Variants in KALRN observed in about 807,000 individuals in gnomAD.
The protein encoded by KALRN is kalirin RhoGEF kinase, also known as kalirin.
A neutral mutation model predicts 353.7 loss-of-function variants in KALRN; 70 were observed. The ratio of observed to expected loss-of-function variants is 0.20; its 90% CI spans 0.16 to 0.24. The LOEUF (loss-of-function observed/expected upper bound fraction) is 0.24, where lower values mean the gene tolerates loss of function less well. KALRN is among the 10% of genes least tolerant of loss of function. The pLI, the probability that KALRN is intolerant of heterozygous loss-of-function variation, is 1.00. For synonymous variants in KALRN, 1,391 were observed against 1,434.8 expected (o/e 0.97, Z 0.69); for missense variants, 2,791 against 3,756.7 (o/e 0.74, Z 6.72).
At chr3:124,641,338 A>G (rs772404406) in intron 37 of KALRN, among the ~76,000 whole-genome samples, 1 of 152,170 alleles carries the variant, frequency 6.6e-6, no homozygotes, top group Non-Finnish European at 1.5e-5. Flanking sequence ...ATCTCCCCAG[A>G]TAGAACTAAC....
intron 47 of KALRN, among the ~76,000 whole-genome samples, chr3:124,668,406 A>T (rs959046897): frequency 6.6e-6 from 1 of 152,228 alleles, no homozygotes; most frequent in African/African-American, 2.4e-5. Flanking sequence ...AAGGGAGTTC[A>T]GGTAGATCTA....
At chr3:124,634,014 G>C in intron 36 of KALRN, 61 bp downstream of exon 36, 1 of 1,274,080 alleles carries the variant, frequency 7.8e-7, no homozygotes, top group Non-Finnish European at 1.1e-6. Flanking sequence ...TTTGTTTTTT[G>C]TGTGTGATGG....
intron 1 of KALRN, among the ~76,000 whole-genome samples, chr3:124,136,543 A>G (rs1161178058): frequency 6.6e-6 from 1 of 152,166 alleles, no homozygotes; most frequent in Non-Finnish European, 1.5e-5. Context: ...CAGGTAGCAA[A>G]TAGGCTGGCT....
intron 6 of KALRN, among the ~76,000 whole-genome samples, chr3:124,307,404 A>G (rs928792056): frequency 6.6e-6 from 1 of 152,104 alleles, no homozygotes; most frequent in African/African-American, 2.4e-5. Context: ...TAAAAGACAT[A>G]AAATTACAGA....
intron 1 of KALRN, among the ~76,000 whole-genome samples, chr3:124,200,558 A>G (rs867264407): frequency 5.9e-5 from 9 of 152,326 alleles, no homozygotes; most frequent in Middle Eastern, 3.4e-3. Flanking sequence ...TTTAAATACC[A>G]TCACGTCGTA....
intron 6 of KALRN, among the ~76,000 whole-genome samples, chr3:124,314,934 A>T (rs2078664023): frequency 6.6e-6 from 1 of 152,168 alleles, no homozygotes; most frequent in African/African-American, 2.4e-5. Context: ...TACAGATGTG[A>T]GCCACCATGC....
At chr3:124,166,960 A>G (rs1202823268) in intron 1 of KALRN, among the ~76,000 whole-genome samples, 2 of 152,100 alleles carry the variant, frequency 1.3e-5, no homozygotes, top group African/African-American at 4.8e-5. Context: ...CAGGAGAATC[A>G]TTTGAATCTG....
intron 10 of KALRN, among the ~76,000 whole-genome samples, chr3:124,364,316 A>G (rs1322324727): frequency 1.3e-5 from 2 of 152,150 alleles, no homozygotes; most frequent in African/African-American, 4.8e-5. Context: ...GAGTTTCAGA[A>G]AATTAGCTGA....
intron 1 of KALRN, among the ~76,000 whole-genome samples, chr3:124,116,129 G>A (rs1194192535): frequency 6.6e-6 from 1 of 152,206 alleles, no homozygotes; most frequent in Non-Finnish European, 1.5e-5. Context: ...CTGCAGCCCA[G>A]CTCTCTTCCC....
intron 32 of KALRN, among the ~76,000 whole-genome samples, chr3:124,495,697 T>C (rs2063626797): frequency 7.6e-6 from 1 of 132,360 alleles, no homozygotes; most frequent in Non-Finnish European, 1.5e-5. Flanking sequence ...GCCAGTGCAT[T>C]CCAGCCTGGG....
At chr3:124,648,434 G>A (rs1439542028) in intron 37 of KALRN, among the ~76,000 whole-genome samples, 1 of 152,244 alleles carries the variant, frequency 6.6e-6, no homozygotes, top group Non-Finnish European at 1.5e-5. Flanking sequence ...AAGGTTGAGA[G>A]TGGACCACAC....
At chr3:124,195,640 T>A (rs1173582711) in intron 1 of KALRN, among the ~76,000 whole-genome samples, 1 of 152,202 alleles carries the variant, frequency 6.6e-6, no homozygotes, top group African/African-American at 2.4e-5. Context: ...CTGGATTCTA[T>A]GGGCATAGAA....
At chr3:124,198,399 T>C (rs750534471) in intron 1 of KALRN, among the ~76,000 whole-genome samples, 5 of 152,250 alleles carry the variant, frequency 3.3e-5, no homozygotes, top group African/African-American at 4.8e-5. Context: ...AGAAAATGCG[T>C]GTCAAGTCCT....
intron 33 of KALRN, among the ~76,000 whole-genome samples, chr3:124,546,797 A>G (rs146205573): frequency 5.4e-4 from 82 of 152,286 alleles, no homozygotes; most frequent in African/African-American, 1.9e-3. Flanking sequence ...GGAGGCTGGT[A>G]AAAATGCAGT....
Position 124,474,744 on chromosome 3 carries a change from G to A in KALRN, c.4101+12G>A. 1 of 1,609,476 alleles carries A rather than the reference G, an allele frequency of 6.2e-7. No homozygotes were observed. The highest frequency in any genetic ancestry group is 8.5e-7 in the Non-Finnish European group (1 of 1,175,722). On this transcript the variant is annotated intron_variant, in intron 26 of 59. Coordinates refer to ENST00000682506, the MANE Select transcript of KALRN (RefSeq NM_001388419.1). ...GCTTTGTTACCTGGGTAACCAACCTGAAATCCTTCTCCCACTGCCCATACA... is the reference window on the plus strand; with the variant it reads ...GCTTTGTTACCTGGGTAACCAACCTAAAATCCTTCTCCCACTGCCCATACA...
At position 124,461,834 on chromosome 3, in the gene KALRN, A is replaced by G. The variant is rs182578779; in HGVS notation, c.3855-56A>G. 336 of 1,305,390 alleles carry G rather than the reference A, an allele frequency of 2.6e-4. No individual in the cohort carries two copies. In the African/African-American group the frequency reaches 4.5e-3, roughly 18 times the overall value. 80.9% of individuals were successfully genotyped at this position (1,305,390 alleles called of 1,614,324 possible). A position where few individuals can be genotyped will look rare whatever the true frequency, so the allele number is the denominator to read the frequency against. On this transcript the variant is annotated intron_variant, in intron 23 of 59. Coordinates refer to ENST00000682506, the MANE Select transcript of KALRN (RefSeq NM_001388419.1). The stretch of plus-strand genomic sequence containing the variant: ...TGCTGGGGTGGGGAAGTGAAGTTTG[A>G]AGGAGGAGAGACATTATATCTATAT...
At chr3:124,698,370 G>T (rs9824248) in intron 55 of KALRN, among the ~76,000 whole-genome samples, 2 of 152,210 alleles carry the variant, frequency 1.3e-5, no homozygotes, top group African/African-American at 4.8e-5. Context: ...GTTGTTCCTT[G>T]TTGTGTCTTC....
chr3:124,132,216 A>G (rs1475747838), intron 1 of KALRN, among the ~76,000 whole-genome samples: 1 of 152,146 alleles, frequency 6.6e-6, no homozygotes, highest in Admixed American at 6.5e-5. Context: ...GAATTACACA[A>G]CCACTTTCCT....
intron 1 of KALRN, among the ~76,000 whole-genome samples, chr3:124,110,809 C>G (rs192774641): frequency 6.6e-6 from 1 of 152,294 alleles, no homozygotes. Context: ...GGTGAAGCTT[C>G]CCCTCTGAGA....
Sources: allele counts gnomAD v4.1 joint callset (sites outside exome capture counted in the v4.1 genomes callset), GRCh38; gene constraint gnomAD v4.1.1; transcripts MANE v1.5; gene names NCBI Gene and HGNC (gene_info 2026-07-23, HGNC 2026-07-21).